The following FGF14 variants were observed in gnomAD, a reference collection of about 807,000 sequenced individuals.
FGF14 encodes the protein fibroblast growth factor 14, also known as fibroblast growth factor homologous factor 4.
In FGF14, 5 loss-of-function variants were observed where a neutral mutation model predicts 25.5. That is an observed-to-expected ratio of 0.20 (90% confidence interval 0.10 to 0.41). The LOEUF (loss-of-function observed/expected upper bound fraction) is 0.41. Among genes scored for constraint, FGF14 ranks in the 10% least tolerant of loss-of-function variants. The pLI, the probability that FGF14 is intolerant of heterozygous loss-of-function variation, is 1.00. For missense variants in FGF14, 222 were observed against 320.1 expected, an observed-to-expected ratio of 0.69 and a Z score of 2.34; for synonymous variants, 138 against 118.3, an observed-to-expected ratio of 1.17 and a Z score of -1.08.
At chr13:102,240,963 A>T (rs1012102882) in intron 1 of FGF14, among the ~76,000 whole-genome samples, 1 of 152,168 alleles carries the variant, frequency 6.6e-6, no homozygotes, top group Non-Finnish European at 1.5e-5. Context: ...GGCAAAATGT[A>T]AAAATAGGCA....
intron 1 of FGF14, among the ~76,000 whole-genome samples, chr13:102,328,211 C>T (rs1335952106): frequency 6.6e-6 from 1 of 152,148 alleles, no homozygotes; most frequent in Non-Finnish European, 1.5e-5. Flanking sequence ...TCAAGTTAAC[C>T]ATCTTGAAGG....
rs147240559 is a variant in FGF14, at chr13:102,091,911, C to T, written c.209-216615G>A. On this transcript the variant is annotated intron_variant, in intron 1 of 4. Coordinates refer to the FGF14 transcript ENST00000376131. ...TTCTGCCTCCAGAGTGGACTCTGACCACTACCTCTACTGAATATTGTCAAC... is the reference window on the plus strand; with the variant it reads ...TTCTGCCTCCAGAGTGGACTCTGACTACTACCTCTACTGAATATTGTCAAC... Among the ~76,000 whole-genome samples the T allele has an allele frequency of 5.4e-4, 82 of 152,284 alleles. No individual in the cohort carries two copies. In the Middle Eastern group the frequency reaches 0.014, roughly 25 times the overall value.
Position 101,793,802 on chromosome 13 carries a change from A to G in FGF14, c.409-66992T>C, listed in dbSNP as rs540903979. Among the ~76,000 whole-genome samples, 59 of 152,210 alleles carry G rather than the reference A, an allele frequency of 3.9e-4. No homozygotes were observed. In the South Asian group the frequency reaches 4.8e-3, roughly 12 times the overall value. On this transcript the variant is annotated intron_variant, in intron 3 of 4. Transcript: ENST00000376143. ...CCCCTAAATATGTGAGTTTGAGATCATTTGCTAAACCATAAATAGGGCTGT... is the reference window on the plus strand; with the variant it reads ...CCCCTAAATATGTGAGTTTGAGATCGTTTGCTAAACCATAAATAGGGCTGT...
At chr13:101,849,999 T>C (rs1452151187) in intron 3 of FGF14, among the ~76,000 whole-genome samples, 7 of 151,602 alleles carry the variant, frequency 4.6e-5, no homozygotes, top group Non-Finnish European at 8.8e-5. Context: ...TGTGGTTCCT[T>C]AATAAAGAAA....
At chr13:102,237,634 T>G (rs1016107878) in intron 1 of FGF14, among the ~76,000 whole-genome samples, 1 of 149,050 alleles carries the variant, frequency 6.7e-6, no homozygotes, top group Non-Finnish European at 1.5e-5. Flanking sequence ...AAGCTAAAAA[T>G]TTTTTGATAT....
intron 1 of FGF14, among the ~76,000 whole-genome samples, chr13:101,941,194 G>A (rs554919623): frequency 5.3e-5 from 8 of 152,320 alleles, no homozygotes; most frequent in African/African-American, 1.9e-4. Flanking sequence ...AGTGAGCAGA[G>A]ATGGAGTCAA....
intron 1 of FGF14, chr13:102,366,458 G>T (rs2057715282): frequency 6.6e-6 from 1 of 151,860 alleles, no homozygotes; most frequent in Non-Finnish European, 1.5e-5. Context: ...AAATGCTAAG[G>T]CATGGTATTC....
intron 1 of FGF14, among the ~76,000 whole-genome samples, chr13:102,230,015 CGTATTGCAATCCTCACCCCCAAGGTGATG>C (rs1363110035): frequency 6.6e-6 from 1 of 152,120 alleles, no homozygotes; most frequent in Non-Finnish European, 1.5e-5. Flanking sequence ...CCAAAATTTA[CGTATTGCAATCCTCACCCCCAAGGTGATG>C]GTATTAGGAG....
At position 101,916,711 on chromosome 13, in the gene FGF14, G is replaced by T. The variant is rs2033543478; in HGVS notation, c.-66C>A. 1 of 1,386,008 alleles carries T rather than the reference G, an allele frequency of 7.2e-7. No individual in the cohort carries two copies. The highest frequency in any genetic ancestry group is 2.7e-5 in the Admixed American group (1 of 37,202). The allele number at this position is 1,386,008 out of a possible 1,614,324, so 85.9% of individuals were successfully genotyped here. A position where few individuals can be genotyped will look rare whatever the true frequency, so the allele number is the denominator to read the frequency against. On this transcript the variant is annotated 5_prime_UTR_variant, in exon 1 of 5. Transcript: ENST00000376143. The stretch of plus-strand genomic sequence containing the variant: ...GGACGGCGAGCCGGGGGCACCGGAG[G>T]GGAAGGCGGCGGCGCAGACCGTGGC...
intron 1 of FGF14, among the ~76,000 whole-genome samples, chr13:101,910,834 ATTCGTGTG>A (rs2032842985): frequency 8.2e-6 from 1 of 122,092 alleles, no homozygotes; most frequent in Admixed American, 8.9e-5. Context: ...AGAGATTTGG[ATTCGTGTG>A]TGTGTGTGTG....
intron 1 of FGF14, among the ~76,000 whole-genome samples, chr13:102,113,450 A>C (rs545075593): frequency 2.0e-5 from 3 of 152,354 alleles, no homozygotes; most frequent in African/African-American, 7.2e-5. Context: ...TTTAAACCAC[A>C]AAGATCCCTG....
At chr13:102,133,205 C>T (rs1265252166) in intron 1 of FGF14, among the ~76,000 whole-genome samples, 2 of 152,176 alleles carry the variant, frequency 1.3e-5, no homozygotes, top group Non-Finnish European at 2.9e-5. Context: ...TCTAGGTCTG[C>T]ACTGATTTTA....
intron 1 of FGF14, among the ~76,000 whole-genome samples, chr13:102,004,122 C>A (rs997023436): frequency 8.6e-5 from 13 of 151,784 alleles, no homozygotes. Context: ...ATTATTCAAT[C>A]AAAATAACAC....
At chr13:101,963,536 C>T (rs1488135417) in intron 1 of FGF14, among the ~76,000 whole-genome samples, 9 of 152,134 alleles carry the variant, frequency 5.9e-5, no homozygotes, top group Non-Finnish European at 2.9e-5. Context: ...CCTTGTTTTT[C>T]TAAGATACAG....
At chr13:101,856,029 A>G (rs1247183571) in intron 3 of FGF14, among the ~76,000 whole-genome samples, 1 of 151,762 alleles carries the variant, frequency 6.6e-6, no homozygotes, top group Non-Finnish European at 1.5e-5. Context: ...ACTTCTCCTG[A>G]GTATCCATTT....
chr13:102,372,860 T>C (rs905314106), intron 1 of FGF14, among the ~76,000 whole-genome samples: 6 of 152,302 alleles, frequency 3.9e-5, no homozygotes, highest in African/African-American at 1.4e-4. Context: ...AAGCTTTATA[T>C]GCATTACTAC....
rs140029790 is a variant in FGF14, at chr13:102,171,404, A to G, written c.208+230067T>C. Among the ~76,000 whole-genome samples, 55 of 152,322 alleles carry G rather than the reference A, an allele frequency of 3.6e-4. 2 individuals are homozygous for G. In the East Asian group the frequency reaches 7.1e-3, roughly 20 times the overall value. ...TACATGCTTACCATCATTAGAAATG[A>G]CAAATGATAATGTAGCTTTTAAGAT... On this transcript the variant is annotated intron_variant, in intron 1 of 4. Transcript: ENST00000376131.
chr13:101,958,439 C>T (rs970369271), intron 1 of FGF14, among the ~76,000 whole-genome samples: 3 of 152,236 alleles, frequency 2.0e-5, no homozygotes, highest in African/African-American at 7.2e-5. Context: ...AGCCCTTGCA[C>T]ATCCTCCTGG....
intron 1 of FGF14, among the ~76,000 whole-genome samples, chr13:101,942,034 AATTG>A (rs1478683221): frequency 1.3e-5 from 2 of 152,220 alleles, no homozygotes; most frequent in African/African-American, 2.4e-5. Flanking sequence ...TAGAGAGGCA[AATTG>A]ATTGCTGATC....
Sources: gnomAD v4.1 joint callset for allele counts (sites outside exome capture counted in the v4.1 genomes callset) on GRCh38, gnomAD v4.1.1 for gene constraint, MANE v1.5 for transcripts, NCBI Gene and HGNC (gene_info 2026-07-23, HGNC 2026-07-21) for gene names.